FRMPD4: variants seen among roughly 807,000 people sequenced by gnomAD.
The protein encoded by FRMPD4 is FERM and PDZ domain-containing protein 4.
FRMPD4 carries 22 observed loss-of-function variants against 94.1 expected under a neutral mutation model. The ratio of observed to expected loss-of-function variants is 0.23; its 90% CI spans 0.17 to 0.33. The LOEUF (loss-of-function observed/expected upper bound fraction) is 0.33, where lower values mean the gene tolerates loss of function less well. Among genes scored for constraint, FRMPD4 ranks in the 10% least tolerant of loss-of-function variants. FRMPD4 has a pLI of 1.00. For missense variants in FRMPD4, 1,111 were observed against 1,339.9 expected (o/e 0.83, Z 2.67); for synonymous variants, 631 against 548.6 (o/e 1.15, Z -2.10).
At chrX:12,166,565 T>G (rs1265756171) in intron 1 of FRMPD4, among the ~76,000 whole-genome samples, 2 of 111,819 alleles carry the variant, frequency 1.8e-5, no homozygotes, top group African/African-American at 3.3e-5. Flanking sequence ...GCTGGCCTCA[T>G]AAAATGAATT....
chrX:12,303,562 G>A (rs1029913268), intron 1 of FRMPD4, among the ~76,000 whole-genome samples: 1 of 111,788 alleles, frequency 8.9e-6, no homozygotes, highest in African/African-American at 3.2e-5. Context: ...GGGTCTATAT[G>A]TACTAAACTG....
At position 11,860,555 on chromosome X, in the gene FRMPD4, GACTA is replaced by G. The variant is rs371481673; in HGVS notation, c.-160-4526_-160-4523del. Among the ~76,000 whole-genome samples the G allele has an allele frequency of 1.7e-3, 193 of 112,138 alleles. 1 individual carries two copies. Among genetic ancestry groups the G allele is most frequent in the African/African-American group, 6.0e-3 (187 of 30,925 alleles). On this transcript the variant is annotated intron_variant, in intron 1 of 18. Transcript: ENST00000640291. ...GGCAACTTAGAGCCAGTTGGCACCTGACTAACTATTAGTATTGTGTTCTCCCTCT... is the reference window on the plus strand; with the variant it reads ...GGCAACTTAGAGCCAGTTGGCACCTGACTATTAGTATTGTGTTCTCCCTCT...
At chrX:12,382,525 GCATAGAGCATAGCAT>G (rs1168880822) in intron 1 of FRMPD4, among the ~76,000 whole-genome samples, 17 of 59,034 alleles carry the variant, frequency 2.9e-4, no homozygotes, top group Non-Finnish European at 5.2e-4. Context: ...GCATAGCATA[GCATAGAGCATAGCAT>G]AGCATAGCAT....
chrX:12,107,315 C>T (rs2055308380), intron 3 of FRMPD4, among the ~76,000 whole-genome samples: 1 of 112,071 alleles, frequency 8.9e-6, no homozygotes, highest in Non-Finnish European at 1.9e-5. Context: ...CCAGCAAACT[C>T]CAACAGACCT....
At chrX:12,081,465 C>A (rs1377540171) in intron 3 of FRMPD4, among the ~76,000 whole-genome samples, 1 of 110,930 alleles carries the variant, frequency 9.0e-6, no homozygotes, top group Non-Finnish European at 1.9e-5. Flanking sequence ...TGACTTCTTT[C>A]TCAGCCATGA....
chrX:12,205,430 A>G (rs1180737704), intron 1 of FRMPD4, among the ~76,000 whole-genome samples: 2 of 112,406 alleles, frequency 1.8e-5, no homozygotes, highest in African/African-American at 6.5e-5. Context: ...TTTCCCTTCA[A>G]GGTAAGAGGA....
chrX:11,912,028 G>C (rs1472958643), intron 3 of FRMPD4, among the ~76,000 whole-genome samples: 1 of 111,576 alleles, frequency 9.0e-6, no homozygotes, highest in African/African-American at 3.3e-5. Flanking sequence ...GCAGTACATA[G>C]AGAGAAGAAG....
rs768917776 is a variant in FRMPD4 at position 12,341,343 on chromosome X, A to T, written c.42-157337A>T. 6.7e-3 allele frequency among the ~76,000 whole-genome samples: 724 copies of T among 107,662 alleles called. 5 individuals are homozygous for T. Among genetic ancestry groups the T allele is most frequent in the African/African-American group, 0.024 (699 of 29,361 alleles). 93.5% of individuals were successfully genotyped at this position (107,662 alleles called of 115,157 possible). A position where few individuals can be genotyped will look rare whatever the true frequency, so the allele number is the denominator to read the frequency against. On this transcript the variant is annotated intron_variant, in intron 1 of 16. Coordinates refer to ENST00000675598, the MANE Select transcript of FRMPD4 (RefSeq NM_001368397.1). ...ATGAAATATTGTCCTACCTTGAACC[A>T]TTTTTTTTTTCTTCATGGGTAAGTT...
intron 3 of FRMPD4, among the ~76,000 whole-genome samples, chrX:12,103,784 ATAAT>A (rs1450835379): frequency 8.9e-5 from 10 of 112,044 alleles, no homozygotes; most frequent in African/African-American, 2.9e-4. Flanking sequence ...ACCACCAGAG[ATAAT>A]TAGAGTTTAC....
chrX:12,043,865 A>C (rs2054771328), intron 3 of FRMPD4, among the ~76,000 whole-genome samples: 1 of 111,543 alleles, frequency 9.0e-6, no homozygotes, highest in South Asian at 3.7e-4. Context: ...TTGAAAATTC[A>C]CTGCAGCTTC....
intron 3 of FRMPD4, among the ~76,000 whole-genome samples, chrX:11,964,153 T>G (rs182217036): frequency 8.5e-4 from 91 of 106,659 alleles, no homozygotes; most frequent in African/African-American, 2.5e-3. Context: ...CAGTGCTTTT[T>G]TTGTTGTTGT....
chrX:12,534,734 A>G (rs769256182), intron 2 of FRMPD4, among the ~76,000 whole-genome samples: 35 of 112,648 alleles, frequency 3.1e-4, no homozygotes, highest in African/African-American at 7.1e-4. Context: ...TGGGATGGCT[A>G]TATTTACCCA....
chrX:12,022,583 C>G (rs1381052318), intron 3 of FRMPD4, among the ~76,000 whole-genome samples: 1 of 111,631 alleles, frequency 9.0e-6, no homozygotes, highest in Non-Finnish European at 1.9e-5. Flanking sequence ...TCACCAGCAT[C>G]ATTATGTCTC....
At chrX:12,591,833 A>C (rs1397503378) in intron 2 of FRMPD4, among the ~76,000 whole-genome samples, 2 of 111,921 alleles carry the variant, frequency 1.8e-5, no homozygotes, top group Non-Finnish European at 3.8e-5. Context: ...GTTGAGGCTC[A>C]GGACTTGATA....
intron 1 of FRMPD4, among the ~76,000 whole-genome samples, chrX:12,357,426 G>A (rs1025791438): frequency 2.7e-5 from 3 of 111,685 alleles, no homozygotes; most frequent in African/African-American, 9.8e-5. Context: ...TTGCAGATAA[G>A]TGTATAACTG....
chrX:12,428,352 A>C (rs1161907518), intron 1 of FRMPD4, among the ~76,000 whole-genome samples: 5 of 111,387 alleles, frequency 4.5e-5, no homozygotes, highest in Non-Finnish European at 9.4e-5. Flanking sequence ...AACCATCTGG[A>C]AAAGTCTATA....
chrX:12,277,640 T>TC (rs1270491564), intron 1 of FRMPD4, among the ~76,000 whole-genome samples: 1 of 111,654 alleles, frequency 9.0e-6, no homozygotes, highest in Non-Finnish European at 1.9e-5. Flanking sequence ...GAAAAAGGGG[T>TC]CACCAGAGTA....
At chrX:12,400,051 A>G (rs7886699) in intron 1 of FRMPD4, among the ~76,000 whole-genome samples, 8,234 of 111,284 alleles carry the variant, frequency 0.074, 717 homozygotes, top group African/African-American at 0.25. Flanking sequence ...AACAAACTCA[A>G]TGCAAATATT....
In FRMPD4 at chrX:12,554,022, G is replaced by C. The variant is rs746574580; in HGVS notation, c.158+55226G>C. Among the ~76,000 whole-genome samples, 3 of 111,150 alleles carry C rather than the reference G, an allele frequency of 2.7e-5. No individual in the cohort carries two copies. In the Admixed American group the frequency reaches 2.9e-4, roughly 11 times the overall value. On this transcript the variant is annotated intron_variant, in intron 2 of 16. Coordinates refer to ENST00000675598, the MANE Select transcript of FRMPD4 (RefSeq NM_001368397.1). ...TTAAATCACCCTAGTTCTACAAAGC[G>C]CAAGTCTTGCTGCAATGTACCCATT...
Sources: allele counts gnomAD v4.1 joint callset (sites outside exome capture counted in the v4.1 genomes callset), GRCh38; gene constraint gnomAD v4.1.1; transcripts MANE v1.5; gene names NCBI Gene and HGNC (gene_info 2026-07-23, HGNC 2026-07-21).